DNMBP: variants seen among roughly 807,000 people sequenced by gnomAD.
DNMBP encodes dynamin binding protein, also known as dynamin-binding protein.
A neutral mutation model predicts 150.0 loss-of-function variants in DNMBP; 87 were observed. That is an observed-to-expected ratio of 0.58 (90% CI 0.49 to 0.69). The LOEUF is 0.69. DNMBP is among the 30% of genes least tolerant of loss of function. DNMBP has a pLI of 0.00. For synonymous variants in DNMBP, 711 were observed against 750.4 expected, an observed-to-expected ratio of 0.95 and a Z score of 0.86; for missense variants, 1,774 against 1,949.0, an observed-to-expected ratio of 0.91 and a Z score of 1.69.
chr10:99,898,571 A>G (rs2039693259), intron 8 of DNMBP, among the ~76,000 whole-genome samples, 172 bp downstream of exon 8: 2 of 152,220 alleles, frequency 1.3e-5, no homozygotes, highest in Non-Finnish European at 2.9e-5. Flanking sequence ...GATAGGCAAT[A>G]AACAGATAAG....
rs924495271 is a variant in DNMBP, at chr10:99,896,563, C to T, written c.2921-166G>A. 1.3e-5 allele frequency: 9 copies of T among 677,068 alleles called. No individual in the cohort carries two copies. In the African/African-American group the frequency reaches 1.6e-4, roughly 12 times the overall value. The allele number at this position is 677,068 out of a possible 1,614,324, so 41.9% of individuals were successfully genotyped here. On this transcript the variant is annotated intron_variant, in intron 9 of 16. Coordinates refer to ENST00000324109, the MANE Select transcript of DNMBP (RefSeq NM_015221.4). ...ATGGACAGACATGATATCTGAAGCA[C>T]AGCAGAGAGACAATGGGCAGCCAGG... is the stretch of plus-strand genomic sequence containing the variant.
intron 3 of DNMBP, among the ~76,000 whole-genome samples, chr10:99,968,906 T>A (rs2040647238): frequency 6.6e-6 from 1 of 152,142 alleles, no homozygotes; most frequent in African/African-American, 2.4e-5. Flanking sequence ...GTGCTGAGGA[T>A]CAAATGAGAA....
intron 3 of DNMBP, among the ~76,000 whole-genome samples, chr10:99,959,773 T>C (rs971090947): frequency 1.3e-5 from 2 of 150,954 alleles, no homozygotes; most frequent in South Asian, 4.2e-4. Flanking sequence ...GAGGATCGCT[T>C]CAGCCCAGGA....
intron 1 of DNMBP, among the ~76,000 whole-genome samples, chr10:99,985,012 G>C (rs1364405811): frequency 1.3e-5 from 2 of 152,170 alleles, no homozygotes; most frequent in South Asian, 2.1e-4. Flanking sequence ...AAAAGTGCTG[G>C]GATTACAAGC....
At chr10:99,935,700 G>A (rs1460255472) in intron 4 of DNMBP, among the ~76,000 whole-genome samples, 1 of 152,068 alleles carries the variant, frequency 6.6e-6, no homozygotes, top group Non-Finnish European at 1.5e-5. Flanking sequence ...GAGTAGCTGG[G>A]GTTATAGGCA....
rs114945970 is a variant in DNMBP, at chr10:99,898,747, C to T, written c.2716G>A (p.Glu906Lys). 1.7e-5 allele frequency: 28 copies of T among 1,613,746 alleles called. No homozygotes were observed. Among genetic ancestry groups the T allele is most frequent in the East Asian group, 1.6e-4 (7 of 44,858 alleles). The stretch of plus-strand genomic sequence containing the variant: ...TCAAGCAGCAATGGAACTTACCATT[C>T]GTTGTATAGGCTCCTGCAAGGCAGT... ...SLADLKSLYN[E>K]WGCTNYINLG... The change falls in exon 8 of 17, where the codon GAA becomes AAA. Residue 906 changes from glutamate (E) to lysine (K), a missense_variant. Glu to Lys is a moderately conservative substitution (Grantham distance 56). Coordinates refer to ENST00000324109, the MANE Select transcript of DNMBP (RefSeq NM_015221.4).
At chr10:100,007,275 AT>A (rs1249702970) in intron 1 of DNMBP, among the ~76,000 whole-genome samples, 1 of 152,128 alleles carries the variant, frequency 6.6e-6, no homozygotes, top group Non-Finnish European at 1.5e-5. Context: ...TCATTCACAT[AT>A]TTGTCTGTTT....
chr10:99,908,688 C>T (rs911230238), intron 5 of DNMBP, among the ~76,000 whole-genome samples: 2 of 152,290 alleles, frequency 1.3e-5, no homozygotes, highest in African/African-American at 4.8e-5. Context: ...CCTGGAACTG[C>T]TTTCAGGAGC....
At chr10:99,975,603 G>T (rs1250433088) in intron 1 of DNMBP, among the ~76,000 whole-genome samples, 1 of 151,874 alleles carries the variant, frequency 6.6e-6, no homozygotes, top group African/African-American at 2.4e-5. Flanking sequence ...GTGGTAAGTG[G>T]GTATTTCCCA....
intron 1 of DNMBP, among the ~76,000 whole-genome samples, chr10:100,002,756 G>A (rs941636073): frequency 2.0e-5 from 3 of 152,038 alleles, no homozygotes; most frequent in African/African-American, 7.3e-5. Flanking sequence ...TTGGTATACA[G>A]CCTTCCTGAT....
chr10:99,947,386 T>C (rs537796282), intron 4 of DNMBP, among the ~76,000 whole-genome samples: 46 of 152,282 alleles, frequency 3.0e-4, no homozygotes, highest in African/African-American at 1.1e-3. Flanking sequence ...AGCCACAAAA[T>C]AGAATGAAAT....
At chr10:99,878,334 G>A (rs182593660) in intron 16 of DNMBP, among the ~76,000 whole-genome samples, 252 of 152,340 alleles carry the variant, frequency 1.7e-3, no homozygotes, top group Non-Finnish European at 2.7e-3. Context: ...GCCAGAGGGA[G>A]GGACACGTGC....
chr10:99,968,067 A>G (rs1398715806), intron 3 of DNMBP, among the ~76,000 whole-genome samples: 5 of 152,150 alleles, frequency 3.3e-5, no homozygotes, highest in Admixed American at 6.5e-5. Flanking sequence ...GCTGGAGTGC[A>G]GTGATGTGAT....
At chr10:99,939,845 G>A (rs1340262590) in intron 4 of DNMBP, among the ~76,000 whole-genome samples, 1 of 152,174 alleles carries the variant, frequency 6.6e-6, no homozygotes, top group Non-Finnish European at 1.5e-5. Context: ...AGGACTGATG[G>A]CTCCACCTGG....
rs541454238 is a variant in DNMBP, at chr10:99,994,261, A to G, written c.-11+15577T>C. ...AGTTTCCTCATCTGTAATGGAAGAT[A>G]ATAACAGTAATTTATTTCATAGGGC... On this transcript the variant is annotated intron_variant, in intron 1 of 16. Coordinates refer to ENST00000324109, the MANE Select transcript of DNMBP (RefSeq NM_015221.4). Among the ~76,000 whole-genome samples, 4 of 152,342 alleles carry G rather than the reference A, an allele frequency of 2.6e-5. No individual in the cohort carries two copies. The East Asian group carries it at 5.8e-4, about 22-fold the overall frequency.
At chr10:99,892,723 C>G (rs936422940) in intron 11 of DNMBP, among the ~76,000 whole-genome samples, 170 of 149,728 alleles carry the variant, frequency 1.1e-3, no homozygotes, top group Non-Finnish European at 1.2e-3. Flanking sequence ...TGCCAAATCC[C>G]CCTCTGTGAG....
intron 2 of DNMBP, 47 bp downstream of exon 2, chr10:99,971,933 A>G: frequency 6.4e-7 from 1 of 1,559,036 alleles, no homozygotes; most frequent in South Asian, 1.2e-5. Context: ...TATTTTTAAT[A>G]TGGAAAGAAG....
chr10:99,951,521 CA>C (rs1398574307), intron 4 of DNMBP, among the ~76,000 whole-genome samples: 1 of 152,226 alleles, frequency 6.6e-6, no homozygotes, highest in African/African-American at 2.4e-5. Flanking sequence ...TGGAGAGCCA[CA>C]GGGGCAGAGC....
At chr10:99,883,432 G>C (rs1036614605) in intron 15 of DNMBP, among the ~76,000 whole-genome samples, 1 of 151,966 alleles carries the variant, frequency 6.6e-6, no homozygotes, top group Admixed American at 6.6e-5. Flanking sequence ...AGGAGGTCCA[G>C]GCAGGAGGAC....
Sources: allele counts gnomAD v4.1 joint callset (sites outside exome capture counted in the v4.1 genomes callset), GRCh38; gene constraint gnomAD v4.1.1; transcripts MANE v1.5; gene names NCBI Gene and HGNC (gene_info 2026-07-23, HGNC 2026-07-21).